LZTFL1: variants seen among roughly 807,000 people sequenced by gnomAD.
The protein encoded by LZTFL1 is leucine zipper transcription factor-like protein 1.
In LZTFL1, 25 loss-of-function variants were observed where a neutral mutation model predicts 45.9. That is an observed-to-expected ratio of 0.54 (90% CI 0.40 to 0.76). The LOEUF is 0.76. Ranked by LOEUF, LZTFL1 falls within the 30% of genes least tolerant of loss-of-function variation. LZTFL1 has a pLI of 0.00. For synonymous variants in LZTFL1, 93 were observed against 117.4 expected, an observed-to-expected ratio of 0.79 and a Z score of 1.35; for missense variants, 277 against 331.1, an observed-to-expected ratio of 0.84 and a Z score of 1.27.
intron 2 of LZTFL1, among the ~76,000 whole-genome samples, chr3:45,875,805 T>A (rs561196941): frequency 6.6e-6 from 1 of 152,200 alleles, no homozygotes; most frequent in Non-Finnish European, 1.5e-5. Context: ...TGACCCAGAG[T>A]AGAAGGTTTT....
chr3:45,874,681 G>T (rs978311365), intron 2 of LZTFL1, among the ~76,000 whole-genome samples: 1 of 152,116 alleles, frequency 6.6e-6, no homozygotes, highest in African/African-American at 2.4e-5. Flanking sequence ...AATGGACTTT[G>T]TAGTTCTTCC....
At chr3:45,874,633 T>C (rs1370749028) in intron 2 of LZTFL1, among the ~76,000 whole-genome samples, 1 of 152,174 alleles carries the variant, frequency 6.6e-6, no homozygotes, top group Non-Finnish European at 1.5e-5. Context: ...TTCATTGATG[T>C]CTCCAATTAA....
At chr3:45,864,416 A>T (rs1701544495) in intron 2 of LZTFL1, among the ~76,000 whole-genome samples, 1 of 152,232 alleles carries the variant, frequency 6.6e-6, no homozygotes, top group African/African-American at 2.4e-5. Flanking sequence ...CAAAATCTTC[A>T]TCGACTAGTA....
At chr3:45,888,818 C>T (rs1702060065) in intron 2 of LZTFL1, among the ~76,000 whole-genome samples, 1 of 150,988 alleles carries the variant, frequency 6.6e-6, no homozygotes, top group South Asian at 2.1e-4. Context: ...AAATAGATGG[C>T]AAGGCTGTCT....
At chr3:45,892,896 C>T (rs1195273731) in intron 2 of LZTFL1, among the ~76,000 whole-genome samples, 1 of 152,128 alleles carries the variant, frequency 6.6e-6, no homozygotes, top group Non-Finnish European at 1.5e-5. Context: ...TGCTGACAGC[C>T]GGAGATGACA....
In LZTFL1 at chr3:45,840,459, C is replaced by A. The variant is rs1701078182; in HGVS notation, c.3+1530G>T. On this transcript the variant is annotated intron_variant, in intron 1 of 9. Coordinates refer to ENST00000296135, the MANE Select transcript of LZTFL1 (RefSeq NM_020347.4). ...GCTATGCAACTATCTACCTTGGTAA[C>A]AGTCTGTTACCAAGTCACTTAACCC... Among the ~76,000 whole-genome samples the A allele has an allele frequency of 1.3e-5, 2 of 152,164 alleles. 1 individual carries two copies. Among genetic ancestry groups the A allele is most frequent in the South Asian group, 4.1e-4 (2 of 4,828 alleles).
At chr3:45,853,364 T>A (rs914214102) in intron 4 of LZTFL1, among the ~76,000 whole-genome samples, 1 of 152,212 alleles carries the variant, frequency 6.6e-6, no homozygotes, top group African/African-American at 2.4e-5. Context: ...GGGAAACATC[T>A]TTTTTTGGGG....
chr3:45,862,771 C>G (rs1220248894), intron 2 of LZTFL1, among the ~76,000 whole-genome samples: 4 of 152,352 alleles, frequency 2.6e-5, no homozygotes, highest in Admixed American at 2.6e-4. Flanking sequence ...TGAAACATTG[C>G]TGACAACCAG....
Position 45,901,542 on chromosome 3 carries a change from G to C in LZTFL1, c.-215+11578C>G, listed in dbSNP as rs1702558425. The stretch of plus-strand genomic sequence containing the variant: ...AGCCAAGAAGTCTTCCAAGCACAAA[G>C]CCCTAAAAGTGACCATCACTGTCCT... On this transcript the variant is annotated intron_variant, in intron 2 of 4. Coordinates refer to the LZTFL1 transcript ENST00000472635. This position sits in a 1 kb window ranked among gnomAD's most constrained non-coding sequence, Gnocchi z 4.3. 1 of 1,614,024 alleles carries C rather than the reference G, an allele frequency of 6.2e-7. No individual in the cohort carries two copies. Among genetic ancestry groups the C allele is most frequent in the African/African-American group, 1.3e-5 (1 of 74,882 alleles).
intron 5 of LZTFL1, chr3:45,832,804 TAAACGCTGTCCA>T (rs1700864703): frequency 2.8e-6 from 1 of 356,152 alleles, no homozygotes; most frequent in South Asian, 5.4e-5. Context: ...TGTCCATCAA[TAAACGCTGTCCA>T]AAATTTCATG....
At chr3:45,884,231 C>T (rs1364865625) in intron 2 of LZTFL1, 2 of 152,212 alleles carry the variant, frequency 1.3e-5, no homozygotes, top group African/African-American at 4.8e-5. Context: ...TTATAGTCAC[C>T]CAGCTCTGAA....
At chr3:45,852,214 CTG>C (rs1701320436) in intron 4 of LZTFL1, among the ~76,000 whole-genome samples, 1 of 152,210 alleles carries the variant, frequency 6.6e-6, no homozygotes, top group Non-Finnish European at 1.5e-5. Context: ...CTCTTAAAAA[CTG>C]TTGATAGGAG....
At chr3:45,830,875 T>C (rs1700794780) in intron 7 of LZTFL1, 38 bp downstream of exon 7, 1 of 1,569,394 alleles carries the variant, frequency 6.4e-7, no homozygotes, top group African/African-American at 1.4e-5. Context: ...TTCATTCTAC[T>C]TAGAAAATGT....
At chr3:45,864,728 CAT>C (rs1206727388) in intron 2 of LZTFL1, among the ~76,000 whole-genome samples, 1 of 152,124 alleles carries the variant, frequency 6.6e-6, no homozygotes, top group East Asian at 1.9e-4. Context: ...AAAAAACACA[CAT>C]GAGGAGACAG....
rs201669237 is a variant in LZTFL1 at position 45,901,856 on chromosome 3, G to A, written c.-215+11264C>T. ...GGAGAGAGGGAAGCTTGAAGCTGTCGTCTATGTTGCTGGAGACAACCTCAG... is the reference window on the plus strand; with the variant it reads ...GGAGAGAGGGAAGCTTGAAGCTGTCATCTATGTTGCTGGAGACAACCTCAG... On this transcript the variant is annotated intron_variant, in intron 2 of 4. Coordinates refer to the LZTFL1 transcript ENST00000472635. This position sits in a 1 kb window ranked among gnomAD's most constrained non-coding sequence, Gnocchi z 4.3. The A allele has an allele frequency of 1.7e-5, 28 of 1,610,144 alleles. No homozygotes were observed. The highest frequency in any genetic ancestry group is 1.6e-4 in the Middle Eastern group (1 of 6,078).
intron 2 of LZTFL1, among the ~76,000 whole-genome samples, chr3:45,870,738 C>A (rs1218436395): frequency 2.0e-5 from 3 of 152,136 alleles, no homozygotes; most frequent in Non-Finnish European, 4.4e-5. Flanking sequence ...TTCTTGAAAA[C>A]ACTCTCATAG....
At chr3:45,843,995 G>T (rs1701178334), upstream of LZTFL1, among the ~76,000 whole-genome samples, 1 of 152,268 alleles carries the variant, frequency 6.6e-6, no homozygotes, top group Middle Eastern at 3.4e-3. Context: ...ATGTGTGAGT[G>T]TATGTGTGTG....
At chr3:45,844,681 A>G (rs896619089), upstream of LZTFL1, among the ~76,000 whole-genome samples, 2 of 152,212 alleles carry the variant, frequency 1.3e-5, no homozygotes, top group African/African-American at 4.8e-5. Context: ...CTGCTGAGAA[A>G]GTAGCCAAGA....
intron 2 of LZTFL1, among the ~76,000 whole-genome samples, chr3:45,894,463 G>A (rs529304966): frequency 3.9e-5 from 6 of 152,244 alleles, no homozygotes; most frequent in African/African-American, 1.4e-4. Flanking sequence ...TGTTAGCTTC[G>A]GTGAGTCCCT....
Sources: allele counts gnomAD v4.1 joint callset (sites outside exome capture counted in the v4.1 genomes callset), GRCh38; gene constraint gnomAD v4.1.1; non-coding constraint Gnocchi (gnomAD v3.1); transcripts MANE v1.5; gene names NCBI Gene and HGNC (gene_info 2026-07-23, HGNC 2026-07-21).